The following CHSY3 variants were observed in gnomAD, a reference collection of about 807,000 sequenced individuals.
CHSY3 encodes the protein N-acetylgalactosaminyl-proteoglycan 3-beta-glucuronosyltransferase 3.
Under a neutral mutation model 67.2 loss-of-function variants are expected in CHSY3, and 35 were observed. That is an observed-to-expected ratio of 0.52 (90% CI 0.40 to 0.69). The LOEUF (loss-of-function observed/expected upper bound fraction) is 0.69. Ranked by LOEUF, CHSY3 falls within the 30% of genes least tolerant of loss-of-function variation. The pLI is 0.00. For missense variants in CHSY3, 1,069 were observed against 1,138.5 expected, an observed-to-expected ratio of 0.94 and a Z score of 0.88; for synonymous variants, 474 against 434.7, an observed-to-expected ratio of 1.09 and a Z score of -1.12.
chr5:130,089,396 T>TA (rs1004179505), intron 2 of CHSY3, among the ~76,000 whole-genome samples: 11 of 151,706 alleles, frequency 7.3e-5, no homozygotes, highest in Non-Finnish European at 1.3e-4. Context: ...AAATTAAAAA[T>TA]AAAAAAATTT....
At chr5:130,141,871 G>A (rs1768878084) in intron 2 of CHSY3, 1 of 265,758 alleles carries the variant, frequency 3.8e-6, no homozygotes, top group Non-Finnish European at 7.5e-6. Flanking sequence ...CACACCAGAA[G>A]GAATGCCTGG....
chr5:130,066,532 G>C (rs1288970611), intron 2 of CHSY3, among the ~76,000 whole-genome samples: 1 of 152,036 alleles, frequency 6.6e-6, no homozygotes, highest in Admixed American at 6.6e-5. Flanking sequence ...TAGTGTAGTA[G>C]GACTTGAATA....
intron 2 of CHSY3, among the ~76,000 whole-genome samples, chr5:129,949,307 G>A (rs1425754739): frequency 2.6e-5 from 4 of 151,928 alleles, no homozygotes; most frequent in Non-Finnish European, 5.9e-5. Flanking sequence ...AAAATCATAA[G>A]AAACTATGAA....
At chr5:129,905,924 G>A in intron 1 of CHSY3, 1 of 531,714 alleles carries the variant, frequency 1.9e-6, no homozygotes, top group Non-Finnish European at 3.1e-6. Flanking sequence ...TCGTCGGAGA[G>A]GTTAGAAAAG....
chr5:130,143,865 G>T (rs1768993024), intron 2 of CHSY3, among the ~76,000 whole-genome samples: 1 of 100,424 alleles, frequency 1.0e-5, no homozygotes, highest in Non-Finnish European at 2.0e-5. Flanking sequence ...CAGCTATATT[G>T]GATACTGCCA....
At chr5:130,161,211 A>T (rs1769533874) in intron 2 of CHSY3, among the ~76,000 whole-genome samples, 1 of 152,104 alleles carries the variant, frequency 6.6e-6, no homozygotes, top group African/African-American at 2.4e-5. Flanking sequence ...GCCGATAGGT[A>T]ATTGTTTTAA....
chr5:130,144,693 G>A (rs931135339), intron 2 of CHSY3, among the ~76,000 whole-genome samples: 1 of 151,894 alleles, frequency 6.6e-6, no homozygotes, highest in Non-Finnish European at 1.5e-5. Context: ...CAAATAAATA[G>A]CCAAAGCAAT....
At chr5:129,969,837 A>G (rs1418168313) in intron 2 of CHSY3, among the ~76,000 whole-genome samples, 2 of 151,908 alleles carry the variant, frequency 1.3e-5, no homozygotes, top group African/African-American at 4.8e-5. Context: ...TAATTAATGC[A>G]ATTAGGCAGT....
intron 2 of CHSY3, among the ~76,000 whole-genome samples, chr5:130,074,141 G>T (rs1766178262): frequency 6.6e-6 from 1 of 152,104 alleles, no homozygotes; most frequent in Non-Finnish European, 1.5e-5. Flanking sequence ...CACGAACTCA[G>T]CTCACTACAA....
At chr5:129,960,557 G>A (rs906595004) in intron 2 of CHSY3, among the ~76,000 whole-genome samples, 4 of 151,724 alleles carry the variant, frequency 2.6e-5, no homozygotes, top group African/African-American at 4.8e-5. Flanking sequence ...GTGAGAAAAC[G>A]GAAATTACAA....
In CHSY3 at chr5:130,184,376, C is replaced by A; in HGVS notation, c.1234C>A (p.Arg412Ser). Residue 412 changes from arginine to serine, a missense_variant, in exon 3 of 3, where the codon CGC becomes AGC. Around this residue, in one of 5 missense-constraint regions of CHSY3, gnomAD observed 401 missense variants for 395.2 expected, o/e 1.01. Coordinates refer to ENST00000305031, the MANE Select transcript of CHSY3 (RefSeq NM_175856.5). ...CAGGCTGCATAATTACATGCTCAGCCGCAAAATTTCTGAACTTCGCTACCG... is the reference window on the plus strand; with the variant it reads ...CAGGCTGCATAATTACATGCTCAGCAGCAAAATTTCTGAACTTCGCTACCG... ...QYRLHNYMLS[R>S]KISELRYRTI... 1.9e-6 allele frequency: 3 copies of A among 1,613,990 alleles called. No homozygotes were observed. Among genetic ancestry groups the A allele is most frequent in the Non-Finnish European group, 2.5e-6 (3 of 1,179,912 alleles).
At position 130,082,997 on chromosome 5, in the gene CHSY3, C is replaced by T. The variant is rs545054620; in HGVS notation, c.1087-101232C>T. Among the ~76,000 whole-genome samples the T allele has an allele frequency of 4.6e-5, 7 of 151,640 alleles. No individual in the cohort carries two copies. The South Asian group carries it at 6.2e-4, about 14-fold the overall frequency. On this transcript the variant is annotated intron_variant, in intron 2 of 2. Coordinates refer to ENST00000305031, the MANE Select transcript of CHSY3 (RefSeq NM_175856.5). ...AATCTCACATCCTGCACATGTATCC[C>T]AGAACTGAAAATATAAAATAAATAA... is the stretch of plus-strand genomic sequence containing the variant.
chr5:130,117,501 G>C (rs1002373913), intron 2 of CHSY3, among the ~76,000 whole-genome samples: 2 of 152,182 alleles, frequency 1.3e-5, no homozygotes, highest in African/African-American at 4.8e-5. Context: ...CTTCATTAGA[G>C]ACATTCTGTC....
chr5:130,156,252 A>G (rs983485447), intron 2 of CHSY3, among the ~76,000 whole-genome samples: 1 of 152,188 alleles, frequency 6.6e-6, no homozygotes, highest in East Asian at 1.9e-4. Context: ...TGGTTGCTTC[A>G]AAATAGAATG....
At chr5:130,025,911 T>G (rs1280408903) in intron 2 of CHSY3, among the ~76,000 whole-genome samples, 1 of 152,158 alleles carries the variant, frequency 6.6e-6, no homozygotes, top group African/African-American at 2.4e-5. Context: ...TGTGCGTAAT[T>G]CGTTTTGACC....
intron 2 of CHSY3, among the ~76,000 whole-genome samples, chr5:129,923,173 C>T (rs1383849921): frequency 1.3e-5 from 2 of 151,872 alleles, no homozygotes; most frequent in Non-Finnish European, 2.9e-5. Flanking sequence ...ATTTGCAGAA[C>T]TAGTGATTGA....
upstream of CHSY3, among the ~76,000 whole-genome samples, chr5:129,904,155 G>C (rs1349505342): frequency 2.6e-5 from 4 of 152,000 alleles, no homozygotes; most frequent in Non-Finnish European, 4.4e-5. Flanking sequence ...GGGACGGGAC[G>C]GGAAATGGGA....
chr5:130,017,799 A>G (rs1318193848), intron 2 of CHSY3, among the ~76,000 whole-genome samples: 1 of 152,102 alleles, frequency 6.6e-6, no homozygotes, highest in Non-Finnish European at 1.5e-5. Context: ...TAACTAAAAC[A>G]TCATGGAGAT....
intron 2 of CHSY3, among the ~76,000 whole-genome samples, chr5:129,939,100 C>G (rs148822195): frequency 0.011 from 1,705 of 152,204 alleles, 37 homozygotes; most frequent in African/African-American, 0.038. Context: ...TACAATCATG[C>G]CAGAAGCTTA....
Sources: allele counts gnomAD v4.1 joint callset (sites outside exome capture counted in the v4.1 genomes callset), GRCh38; gene constraint gnomAD v4.1.1; regional missense constraint gnomAD v4.1.1; transcripts MANE v1.5; gene names NCBI Gene and HGNC (gene_info 2026-07-23, HGNC 2026-07-21).